MPP7: variants seen among roughly 807,000 people sequenced by gnomAD.
The protein encoded by MPP7 is MAGUK p55 scaffold protein 7, also known as MAGUK p55 subfamily member 7.
Under a neutral mutation model 76.5 loss-of-function variants are expected in MPP7, and 60 were observed. The ratio of observed to expected loss-of-function variants is 0.78; its 90% CI spans 0.64 to 0.97. The LOEUF (loss-of-function observed/expected upper bound fraction) is 0.97, where lower values mean the gene tolerates loss of function less well. Among genes scored for constraint, MPP7 ranks in the 50% least tolerant of loss-of-function variants. The pLI, the probability that MPP7 is intolerant of heterozygous loss-of-function variation, is 0.00. For missense variants in MPP7, 641 were observed against 694.0 expected, an observed-to-expected ratio of 0.92 and a Z score of 0.86; for synonymous variants, 237 against 244.5, an observed-to-expected ratio of 0.97 and a Z score of 0.29.
At chr10:28,103,446 G>A (rs1190427045) in intron 11 of MPP7, among the ~76,000 whole-genome samples, 1 of 152,156 alleles carries the variant, frequency 6.6e-6, no homozygotes, top group Non-Finnish European at 1.5e-5. Context: ...TGCTTGGAAT[G>A]CTTATTCCCA....
At chr10:28,183,466 G>A (rs769860206) in intron 3 of MPP7, among the ~76,000 whole-genome samples, 1 of 152,262 alleles carries the variant, frequency 6.6e-6, no homozygotes, top group South Asian at 2.1e-4. Flanking sequence ...AAAAGAGTGA[G>A]AGCAAAGAAA....
chr10:28,150,818 T>A (rs528718410), intron 3 of MPP7, among the ~76,000 whole-genome samples: 1 of 152,248 alleles, frequency 6.6e-6, no homozygotes, highest in African/African-American at 2.4e-5. Flanking sequence ...AAGGCAAGAA[T>A]CTACATAAAT....
chr10:28,257,713 A>T (rs1015766767), intron 1 of MPP7, among the ~76,000 whole-genome samples: 1 of 150,384 alleles, frequency 6.6e-6, no homozygotes, highest in Non-Finnish European at 1.5e-5. Context: ...ACCTGCACAA[A>T]GTGCACATGT....
chr10:28,321,871 C>A (rs1200329727), intron 2 of MPP7, among the ~76,000 whole-genome samples: 2 of 151,162 alleles, frequency 1.3e-5, no homozygotes, highest in East Asian at 1.9e-4. Context: ...CAGGTATGAG[C>A]CATGCCTAGC....
intron 1 of MPP7, among the ~76,000 whole-genome samples, chr10:28,287,143 C>T (rs1461481447): frequency 6.6e-6 from 1 of 151,866 alleles, no homozygotes; most frequent in African/African-American, 2.4e-5. Flanking sequence ...TAGCCTGTTG[C>T]TTCAAAAAAA....
chr10:28,285,515 A>ACAC (rs1438722152), intron 1 of MPP7, among the ~76,000 whole-genome samples: 2 of 152,286 alleles, frequency 1.3e-5, no homozygotes, highest in Non-Finnish European at 2.9e-5. Flanking sequence ...ACTAGATCTC[A>ACAC]AAGAGTTGAT....
chr10:28,267,058 C>T (rs1467878263), intron 1 of MPP7, among the ~76,000 whole-genome samples: 2 of 152,122 alleles, frequency 1.3e-5, no homozygotes, highest in African/African-American at 2.4e-5. Flanking sequence ...TGCGTTAGTT[C>T]GGGGGCCTAA....
chr10:28,109,867 A>AAAAAAAAAAAC (rs1834447582), intron 11 of MPP7, among the ~76,000 whole-genome samples: 8 of 149,526 alleles, frequency 5.4e-5, no homozygotes, highest in African/African-American at 1.5e-4. Flanking sequence ...AAAAAAAAAA[A>AAAAAAAAAAAC]AAAAAACACT....
chr10:28,302,064 T>A (rs1439310637), intron 1 of MPP7, among the ~76,000 whole-genome samples: 66 of 152,286 alleles, frequency 4.3e-4, no homozygotes, highest in African/African-American at 1.5e-3. Context: ...CCCCCTTTTT[T>A]AAATGTGAAT....
chr10:28,301,877 T>C (rs1841163817), intron 1 of MPP7, among the ~76,000 whole-genome samples: 1 of 152,168 alleles, frequency 6.6e-6, no homozygotes, highest in Admixed American at 6.5e-5. Flanking sequence ...TCAATTCACT[T>C]GTAAACAAGC....
chr10:28,125,723 T>G (rs567810184), intron 6 of MPP7, among the ~76,000 whole-genome samples: 66 of 152,298 alleles, frequency 4.3e-4, no homozygotes, highest in African/African-American at 1.3e-3. Flanking sequence ...AAGAAAGAGC[T>G]CTTACTCCAT....
intron 2 of MPP7, among the ~76,000 whole-genome samples, chr10:28,315,863 C>A (rs558169454): frequency 6.6e-6 from 1 of 152,262 alleles, no homozygotes; most frequent in South Asian, 2.1e-4. Context: ...TCAAGGTCAA[C>A]ATCAACAGTG....
intron 12 of MPP7, among the ~76,000 whole-genome samples, chr10:28,084,370 C>T (rs1405286531): frequency 6.6e-6 from 1 of 152,220 alleles, no homozygotes; most frequent in Non-Finnish European, 1.5e-5. Context: ...CCAGACCTCA[C>T]AGCATCTGCA....
At chr10:28,115,141 T>C (rs1355978607) in intron 11 of MPP7, among the ~76,000 whole-genome samples, 2 of 152,164 alleles carry the variant, frequency 1.3e-5, no homozygotes, top group Non-Finnish European at 2.9e-5. Flanking sequence ...TTACTCTTAT[T>C]GCCCAGGCTG....
At chr10:28,273,481 C>A (rs892790362) in intron 1 of MPP7, among the ~76,000 whole-genome samples, 5 of 152,208 alleles carry the variant, frequency 3.3e-5, no homozygotes, top group Admixed American at 6.5e-5. Flanking sequence ...TAAGTGGAGA[C>A]AGACATAAGC....
chr10:28,190,393 A>G (rs1837376253), intron 3 of MPP7, among the ~76,000 whole-genome samples: 1 of 152,232 alleles, frequency 6.6e-6, no homozygotes, highest in Non-Finnish European at 1.5e-5. Context: ...TCTCAAGCTC[A>G]CATAGACCAT....
chr10:28,221,095 C>T (rs1319535921), intron 2 of MPP7, among the ~76,000 whole-genome samples: 6 of 152,046 alleles, frequency 3.9e-5, no homozygotes, highest in Non-Finnish European at 5.9e-5. Context: ...AAAGACGAAC[C>T]CTCATTTCAA....
intron 11 of MPP7, among the ~76,000 whole-genome samples, chr10:28,109,001 A>G (rs1459131596): frequency 6.6e-6 from 1 of 152,044 alleles, no homozygotes; most frequent in Non-Finnish European, 1.5e-5. Flanking sequence ...GCATAAACAA[A>G]AAGTGGCCAG....
At chr10:28,145,823 T>G (rs936383705) in intron 5 of MPP7, among the ~76,000 whole-genome samples, 2 of 151,924 alleles carry the variant, frequency 1.3e-5, no homozygotes, top group Non-Finnish European at 2.9e-5. Flanking sequence ...ATTTTCCACA[T>G]AATAAAATTT....
Sources: allele counts gnomAD v4.1 joint callset (sites outside exome capture counted in the v4.1 genomes callset), GRCh38; gene constraint gnomAD v4.1.1; transcripts MANE v1.5; gene names NCBI Gene and HGNC (gene_info 2026-07-23, HGNC 2026-07-21).